TFPT: variants seen among roughly 807,000 people sequenced by gnomAD.
TFPT encodes TCF3 fusion partner, also known as INO80 complex subunit F.
TFPT carries 27 observed loss-of-function variants against 28.8 expected under a neutral mutation model. The observed-to-expected ratio is 0.94, with a 90% CI of 0.69 to 1.29. TFPT has a LOEUF of 1.29. Among genes scored for constraint, TFPT ranks in the 50% most tolerant of loss-of-function variants. The pLI, the probability that TFPT is intolerant of heterozygous loss-of-function variation, is 0.00. For missense variants in TFPT, 330 were observed against 338.0 expected (o/e 0.98, Z 0.19); for synonymous variants, 152 against 142.8 (o/e 1.06, Z -0.46).
intron 3 of TFPT, among the ~76,000 whole-genome samples, chr19:54,109,805 G>A (rs1246780636): frequency 2.6e-5 from 4 of 151,970 alleles, no homozygotes; most frequent in Non-Finnish European, 4.4e-5. Flanking sequence ...CCCTCCACCC[G>A]GCCCTCCCTC....
At chr19:54,109,235 G>T (rs764822316) in intron 3 of TFPT, 1 of 154,496 alleles carries the variant, frequency 6.5e-6, no homozygotes, top group African/African-American at 2.4e-5. Flanking sequence ...TGTGGCCAGC[G>T]GCTACCGTGC....
intron 2 of TFPT, among the ~76,000 whole-genome samples, chr19:54,113,191 G>A (rs2146368540): frequency 6.6e-6 from 1 of 151,698 alleles, no homozygotes; most frequent in Admixed American, 6.6e-5. Context: ...ACCTTATATG[G>A]AGACAGTGTC....
At position 54,108,255 on chromosome 19, in the gene TFPT, G is replaced by A. The variant is rs765726251; in HGVS notation, c.424-11C>T. 1 of 1,577,716 alleles carries A rather than the reference G, an allele frequency of 6.3e-7. No homozygotes were observed. The highest frequency in any genetic ancestry group is 8.6e-7 in the Non-Finnish European group (1 of 1,160,616). ...CTGGCTGCCCTCATCCTGGCAGGCA[G>A]GAGGGGGAGGTAGGTGATGGGTGGG... On this transcript the variant is annotated splice_polypyrimidine_tract_variant and intron_variant, in intron 4 of 5. Transcript: ENST00000391759.
At chr19:54,114,291 CAT>C in intron 2 of TFPT, 149 bp downstream of exon 2, 1 of 1,324,216 alleles carries the variant, frequency 7.6e-7, no homozygotes, top group East Asian at 2.4e-5. Context: ...GGGCCAGACA[CAT>C]AATGCATGCT....
intron 2 of TFPT, among the ~76,000 whole-genome samples, chr19:54,112,327 C>G (rs912786779): frequency 6.6e-6 from 1 of 151,954 alleles, no homozygotes; most frequent in Non-Finnish European, 1.5e-5. Context: ...CCTCTCTGAG[C>G]CTTGATTTTC....
Position 54,110,109 on chromosome 19 carries a change from C to T in TFPT, c.295G>A (p.Val99Ile). ...CREIEQVNER[V>I]LNRLHQVQRI... is the part of the protein sequence containing the mutation. The stretch of plus-strand genomic sequence containing the variant: ...TGCACCTGATGGAGCCTGTTCAGGA[C>T]CCGCTCGTTCACCTATGGGGTGGGA... Residue 99 changes from valine to isoleucine, a missense_variant, in exon 3 of 6, where the codon GTC becomes ATC. Val to Ile is a conservative substitution (Grantham distance 29). Coordinates refer to ENST00000391759, the MANE Select transcript of TFPT (RefSeq NM_013342.4). The T allele has an allele frequency of 6.2e-7, 1 of 1,614,142 alleles. No individual in the cohort carries two copies. The highest frequency in any genetic ancestry group is 8.5e-7 in the Non-Finnish European group (1 of 1,180,036).
At position 54,115,425 on chromosome 19, in the gene TFPT, G is replaced by A. The variant is rs896366987; in HGVS notation, c.-156C>T. On this transcript the variant is annotated 5_prime_UTR_variant, in exon 1 of 6. Coordinates refer to ENST00000391759, the MANE Select transcript of TFPT (RefSeq NM_013342.4). Reference sequence around the variant, plus strand: ...GTGGGAGTTGTAGTTTCCTGTTTCCGGCTTCGCTTCGGCCCACCCCCACGT... The same window carrying A: ...GTGGGAGTTGTAGTTTCCTGTTTCCAGCTTCGCTTCGGCCCACCCCCACGT... 3.8e-6 allele frequency: 4 copies of A among 1,056,730 alleles called. No homozygotes were observed. Among genetic ancestry groups the A allele is most frequent in the African/African-American group, 1.6e-5 (1 of 63,506 alleles). The allele number at this position is 1,056,730 out of a possible 1,614,324, so 65.5% of individuals were successfully genotyped here. A position where few individuals can be genotyped will look rare whatever the true frequency, so the allele number is the denominator to read the frequency against.
chr19:54,114,502 C>T lies in TFPT; in HGVS notation c.222G>A (p.Gln74=), dbSNP rs2073556338. 6.2e-7 allele frequency: 1 copy of T among 1,613,930 alleles called. No individual in the cohort carries two copies. The highest frequency in any genetic ancestry group is 8.5e-7 in the Non-Finnish European group (1 of 1,180,002). The change falls in exon 2 of 6, where the codon CAG becomes CAA. Residue 74 remains glutamine, a synonymous_variant. Transcript: ENST00000391759. ...EEAARGRRRR[Q]RELNRRKYQA... ...GGTACTTTCTGCGATTTAATTCCCG[C>T]TGGCGCCGCCGCCGACCCCGGGCTG... is the stretch of plus-strand genomic sequence containing the variant.
At chr19:54,108,683 T>C (rs1341643328) in intron 3 of TFPT, 4 of 1,234,726 alleles carry the variant, frequency 3.2e-6, no homozygotes, top group East Asian at 2.6e-5. Flanking sequence ...CACCAGACGA[T>C]TTCTGTACTT....
chr19:54,107,671 ACTCCGTCTT>A, intron 5 of TFPT: 1 of 315,976 alleles, frequency 3.2e-6, no homozygotes, highest in African/African-American at 2.2e-5. Flanking sequence ...CTTCCCTTCC[ACTCCGTCTT>A]CTCTGATCCT....
intron 2 of TFPT, among the ~76,000 whole-genome samples, chr19:54,112,239 G>GA (rs2073476233): frequency 8.3e-6 from 1 of 120,164 alleles, no homozygotes; most frequent in African/African-American, 3.4e-5. Context: ...GGGCAACAGA[G>GA]AAAGACCCTG....
rs73611023 is a variant in TFPT at position 54,107,187 on chromosome 19, C to T, written c.643-18G>A. ...ACCTTAATCTGCAGGAGATAAGGAA[C>T]AAGGTGTTAACAGGCCTGGGAATCT... is the stretch of plus-strand genomic sequence containing the variant. On this transcript the variant is annotated intron_variant, in intron 5 of 5. Transcript: ENST00000391759. 3.1e-3 allele frequency: 4,930 copies of T among 1,609,254 alleles called. 116 individuals are homozygous for T. In the African/African-American group the frequency reaches 0.052, roughly 17 times the overall value.
At chr19:54,115,108 TA>T in intron 1 of TFPT, 138 bp downstream of exon 1, 1 of 1,338,768 alleles carries the variant, frequency 7.5e-7, no homozygotes, top group Non-Finnish European at 1.1e-6. Context: ...CCCCAGTCCA[TA>T]AAAGGGTTCT....
chr19:54,110,072 C>G lies in TFPT; in HGVS notation c.332G>C (p.Arg111Pro). ...NRLHQVQRIT[R>P]RLQQERRFLM... Reference sequence around the variant, plus strand: ...TTACCTCCGTTCCTGCTGCAGCCTCCGAGTTATCCTCTGCACCTGATGGAG... The same window carrying G: ...TTACCTCCGTTCCTGCTGCAGCCTCGGAGTTATCCTCTGCACCTGATGGAG... Residue 111 changes from arginine (R) to proline (P), a missense_variant, in exon 3 of 6, where the codon CGG becomes CCG. Physicochemically the swap from Arg to Pro is moderately radical, Grantham distance 103. Coordinates refer to ENST00000391759, the MANE Select transcript of TFPT (RefSeq NM_013342.4). 1 of 1,614,176 alleles carries G rather than the reference C, an allele frequency of 6.2e-7. No individual in the cohort carries two copies. Among genetic ancestry groups the G allele is most frequent in the Non-Finnish European group, 8.5e-7 (1 of 1,180,030 alleles).
At position 54,115,571 on chromosome 19, in the gene TFPT, G is replaced by A. The variant is rs2073603675; in HGVS notation, c.-302C>T. 4 of 571,544 alleles carry A rather than the reference G, an allele frequency of 7.0e-6. No individual in the cohort carries two copies. Among genetic ancestry groups the A allele is most frequent in the South Asian group, 6.4e-5 (3 of 46,682 alleles). 35.4% of individuals were successfully genotyped at this position (571,544 alleles called of 1,614,324 possible). On this transcript the variant is annotated 5_prime_UTR_variant, in exon 1 of 6. Coordinates refer to ENST00000391759, the MANE Select transcript of TFPT (RefSeq NM_013342.4). ...CGTCGTCCGGCCACAGCGATTCTCT[G>A]CTTAGCAGGATCGGTCCACAGCGGG...
intron 3 of TFPT, chr19:54,108,928 T>G (rs1406453609): frequency 4.0e-6 from 1 of 248,634 alleles, no homozygotes; most frequent in Non-Finnish European, 7.9e-6. Context: ...GGAATCTCAC[T>G]CTGTCACCCA....
intron 2 of TFPT, 108 bp downstream of exon 2, chr19:54,114,334 A>G: frequency 6.7e-7 from 1 of 1,486,330 alleles, no homozygotes; most frequent in Non-Finnish European, 9.0e-7. Flanking sequence ...TAAATGACTG[A>G]ATATATCAGC....
Position 54,108,119 on chromosome 19 carries a change from G to C in TFPT, c.549C>G (p.Pro183=). The part of the protein sequence containing the change: ...PAPPEPGSPA[P]GEGPSGRKRR... ...TCTTCCGCCCACTGGGCCCCTCACC[G>C]GGGGCTGGGCTGCCGGGTTCTGGGG... Residue 183 remains proline (P), a synonymous_variant, in exon 5 of 6, where the codon CCC becomes CCG. Transcript: ENST00000391759. 1.3e-6 allele frequency: 2 copies of C among 1,575,546 alleles called. No homozygotes were observed. The highest frequency in any genetic ancestry group is 8.6e-7 in the Non-Finnish European group (1 of 1,160,624).
intron 3 of TFPT, chr19:54,108,782 T>G: frequency 1.6e-6 from 1 of 624,858 alleles, no homozygotes. Flanking sequence ...ACGCTCCTCC[T>G]AATGACCTCA....
Sources: gnomAD v4.1 joint callset for allele counts (sites outside exome capture counted in the v4.1 genomes callset) on GRCh38, gnomAD v4.1.1 for gene constraint, MANE v1.5 for transcripts, NCBI Gene and HGNC (gene_info 2026-07-23, HGNC 2026-07-21) for gene names.